The following CSMD1 variants were observed in gnomAD, a reference collection of about 807,000 sequenced individuals.
The protein encoded by CSMD1 is CUB and sushi domain-containing protein 1.
CSMD1 carries 213 observed loss-of-function variants against 417.5 expected under a neutral mutation model. That is an observed-to-expected ratio of 0.51 (90% CI 0.46 to 0.57). The LOEUF (loss-of-function observed/expected upper bound fraction) is 0.57, where lower values mean the gene tolerates loss of function less well. CSMD1 is among the 20% of genes least tolerant of loss of function. The pLI is 0.00. For synonymous variants in CSMD1, 2,862 were observed against 1,736.8 expected (o/e 1.65, Z -16.11); for missense variants, 6,923 against 4,529.7 (o/e 1.53, Z -15.17).
chr8:4,828,066 CAT>C (rs947772557), intron 1 of CSMD1, among the ~76,000 whole-genome samples: 3 of 151,938 alleles, frequency 2.0e-5, no homozygotes, highest in Non-Finnish European at 2.9e-5. Context: ...TTTTTTTTTA[CAT>C]GAGTCCAATA....
intron 3 of CSMD1, among the ~76,000 whole-genome samples, chr8:4,400,388 C>T (rs1036444920): frequency 6.6e-6 from 1 of 152,186 alleles, no homozygotes; most frequent in African/African-American, 2.4e-5. Context: ...TATATCCATC[C>T]TGTGTTTGCC....
chr8:3,880,196 G>C (rs1194310757), intron 5 of CSMD1, among the ~76,000 whole-genome samples: 1 of 152,136 alleles, frequency 6.6e-6, no homozygotes, highest in African/African-American at 2.4e-5. Context: ...AAGAGGAGCA[G>C]TTAGGGAAAA....
chr8:4,086,069 G>C (rs1345447643), intron 3 of CSMD1, among the ~76,000 whole-genome samples: 1 of 152,092 alleles, frequency 6.6e-6, no homozygotes, highest in Non-Finnish European at 1.5e-5. Context: ...ATCAACAAAC[G>C]TATTTTTTCC....
At chr8:4,110,852 C>G (rs144868558) in intron 3 of CSMD1, among the ~76,000 whole-genome samples, 1 of 151,966 alleles carries the variant, frequency 6.6e-6, no homozygotes, top group Non-Finnish European at 1.5e-5. Flanking sequence ...AAATCAGAGA[C>G]TTTTTTCCTT....
At chr8:4,161,570 G>A (rs1434663055) in intron 3 of CSMD1, among the ~76,000 whole-genome samples, 1 of 152,160 alleles carries the variant, frequency 6.6e-6, no homozygotes, top group Non-Finnish European at 1.5e-5. Flanking sequence ...GTTTTGGACA[G>A]AGTTCATCAA....
At chr8:3,694,433 G>A (rs967336549) in intron 7 of CSMD1, among the ~76,000 whole-genome samples, 18 of 152,148 alleles carry the variant, frequency 1.2e-4, no homozygotes, top group African/African-American at 4.1e-4. Context: ...ACTGTGTCAG[G>A]CAGACAGCTG....
At chr8:3,334,760 A>G (rs1807140555) in intron 23 of CSMD1, among the ~76,000 whole-genome samples, 1 of 152,192 alleles carries the variant, frequency 6.6e-6, no homozygotes, top group Non-Finnish European at 1.5e-5. Flanking sequence ...TTCACATTGA[A>G]TTTGCAGAGT....
chr8:3,305,108 T>C (rs1172391627), intron 25 of CSMD1, among the ~76,000 whole-genome samples: 1 of 152,148 alleles, frequency 6.6e-6, no homozygotes, highest in Admixed American at 6.6e-5. Flanking sequence ...CTTGACCAAC[T>C]GGGCTCAAGA....
intron 3 of CSMD1, among the ~76,000 whole-genome samples, chr8:4,061,588 T>C (rs904615761): frequency 5.3e-5 from 8 of 152,320 alleles, no homozygotes; most frequent in African/African-American, 1.7e-4. Flanking sequence ...GTAAGGAAGT[T>C]GTCTGGTTCC....
At chr8:4,583,426 G>T (rs1051542350) in intron 2 of CSMD1, among the ~76,000 whole-genome samples, 2 of 152,140 alleles carry the variant, frequency 1.3e-5, no homozygotes, top group African/African-American at 4.8e-5. Flanking sequence ...CAGGGTTTGT[G>T]AGTGCACCAA....
At chr8:4,947,434 G>A (rs1271828204) in intron 1 of CSMD1, among the ~76,000 whole-genome samples, 1 of 151,952 alleles carries the variant, frequency 6.6e-6, no homozygotes, top group African/African-American at 2.4e-5. Flanking sequence ...TCTCACATAG[G>A]TAAGAAATGT....
intron 3 of CSMD1, among the ~76,000 whole-genome samples, chr8:4,070,860 T>G (rs74401270): frequency 6.6e-6 from 1 of 152,218 alleles, no homozygotes; most frequent in Admixed American, 6.5e-5. Context: ...AATGTCTAGG[T>G]TGACAGTTCC....
At chr8:4,639,921 T>G (rs1363903975) in intron 1 of CSMD1, among the ~76,000 whole-genome samples, 1 of 152,210 alleles carries the variant, frequency 6.6e-6, no homozygotes, top group South Asian at 2.1e-4. Flanking sequence ...AACAAGTAAA[T>G]ATTAAAGCTG....
chr8:4,478,631 G>A (rs571873644), intron 2 of CSMD1, among the ~76,000 whole-genome samples: 1 of 152,276 alleles, frequency 6.6e-6, no homozygotes, highest in Non-Finnish European at 1.5e-5. Context: ...TAAACTATCA[G>A]AGAGGAAACT....
chr8:3,773,933 T>C (rs1226141799), intron 5 of CSMD1, among the ~76,000 whole-genome samples: 1 of 152,190 alleles, frequency 6.6e-6, no homozygotes, highest in Non-Finnish European at 1.5e-5. Flanking sequence ...GTAATTTGCA[T>C]GACATTGCAC....
chr8:4,122,901 G>C (rs1463444738), intron 3 of CSMD1, among the ~76,000 whole-genome samples: 2 of 152,146 alleles, frequency 1.3e-5, no homozygotes, highest in Admixed American at 6.5e-5. Context: ...TAATAGCTAC[G>C]AGACCCTTTA....
intron 3 of CSMD1, among the ~76,000 whole-genome samples, chr8:4,359,255 C>T (rs1423931092): frequency 1.3e-5 from 2 of 152,162 alleles, no homozygotes; most frequent in African/African-American, 4.8e-5. Context: ...TTACTTCACT[C>T]TTCAAGAATA....
intron 5 of CSMD1, among the ~76,000 whole-genome samples, chr8:3,982,850 C>T (rs1040594715): frequency 9.9e-5 from 15 of 152,214 alleles, no homozygotes; most frequent in African/African-American, 2.7e-4. Flanking sequence ...TGCAGCTCTA[C>T]GCATACCAAG....
intron 5 of CSMD1, among the ~76,000 whole-genome samples, chr8:3,966,255 T>C (rs183816708): frequency 1.2e-4 from 18 of 152,268 alleles, no homozygotes; most frequent in Admixed American, 3.9e-4. Flanking sequence ...TTAATCAATA[T>C]TGCAAAGATA....
Sources: allele counts gnomAD v4.1 joint callset (sites outside exome capture counted in the v4.1 genomes callset), GRCh38; gene constraint gnomAD v4.1.1; transcripts MANE v1.5; gene names NCBI Gene and HGNC (gene_info 2026-07-23, HGNC 2026-07-21).